Variants in ETV1 observed in about 807,000 individuals in gnomAD.
ETV1 encodes the protein ETS variant transcription factor 1.
A neutral mutation model predicts 62.3 loss-of-function variants in ETV1; 27 were observed. The ratio of observed to expected loss-of-function variants is 0.43; its 90% CI spans 0.32 to 0.60. The LOEUF (loss-of-function observed/expected upper bound fraction) is 0.60, where lower values mean the gene tolerates loss of function less well. ETV1 is among the 20% of genes least tolerant of loss of function. ETV1 has a pLI of 0.06. For missense variants in ETV1, 605 were observed against 605.8 expected (o/e 1.00, Z 0.01); for synonymous variants, 222 against 199.6 (o/e 1.11, Z -0.94).
chr7:13,933,655 C>T (rs2128453280), intron 8 of ETV1, among the ~76,000 whole-genome samples: 1 of 152,252 alleles, frequency 6.6e-6, no homozygotes, highest in South Asian at 2.1e-4. Flanking sequence ...GCAAATTTGC[C>T]ATTTATAACT....
chr7:13,966,625 C>T (rs562061345), intron 6 of ETV1, among the ~76,000 whole-genome samples: 26 of 151,832 alleles, frequency 1.7e-4, no homozygotes, highest in East Asian at 9.7e-4. Context: ...CCAGACTGGG[C>T]GACAGAGTGA....
rs1782816234 is a variant in ETV1, at chr7:13,988,927, C to G, written c.45+81G>C. The stretch of plus-strand genomic sequence containing the variant: ...TATCTGCAATCCCAACCCCCGTGCC[C>G]CCTCCCTTCTCATTTTCTCCCTCTC... On this transcript the variant is annotated intron_variant, in intron 3 of 13. Transcript: ENST00000430479. 14 of 1,397,868 alleles carry G rather than the reference C, an allele frequency of 1.0e-5. No individual in the cohort carries two copies. In the East Asian group the frequency reaches 2.8e-4, roughly 28 times the overall value. The allele number at this position is 1,397,868 out of a possible 1,614,324, so 86.6% of individuals were successfully genotyped here.
chr7:13,968,217 G>A (rs1230297271), intron 6 of ETV1, among the ~76,000 whole-genome samples: 1 of 151,820 alleles, frequency 6.6e-6, no homozygotes, highest in Non-Finnish European at 1.5e-5. Flanking sequence ...CATTTCAAAA[G>A]TCAATTTCTA....
chr7:13,935,191 C>T (rs937961036), intron 8 of ETV1, among the ~76,000 whole-genome samples: 13 of 152,202 alleles, frequency 8.5e-5, no homozygotes, highest in African/African-American at 3.1e-4. Context: ...TTCGCAGTGT[C>T]CAGAGTCATG....
chr7:13,902,396 C>T (rs1001919908), intron 12 of ETV1, among the ~76,000 whole-genome samples: 6 of 151,556 alleles, frequency 4.0e-5, no homozygotes, highest in African/African-American at 9.7e-5. Flanking sequence ...TAGAGAGATG[C>T]GATGTAACAG....
chr7:13,931,153 A>T (rs749618983), intron 9 of ETV1, among the ~76,000 whole-genome samples: 12 of 152,152 alleles, frequency 7.9e-5, no homozygotes, highest in Non-Finnish European at 1.6e-4. Flanking sequence ...TTCTGTAAAC[A>T]TTTTTATTAA....
At chr7:13,977,605 A>G (rs1186129401) in intron 5 of ETV1, 125 bp from the exon 6 acceptor site, 3 of 652,786 alleles carry the variant, frequency 4.6e-6, no homozygotes, top group Non-Finnish European at 8.1e-6. Flanking sequence ...TTATTTGCCA[A>G]TGAGCTCCTA....
At chr7:13,990,295 TAAAG>T (rs1340768401), upstream of ETV1, 2 of 152,188 alleles carry the variant, frequency 1.3e-5, no homozygotes, top group African/African-American at 4.8e-5. Flanking sequence ...GACAGAAACA[TAAAG>T]AATCTATAAG....
chr7:13,911,223 G>A lies in ETV1; in HGVS notation c.871+16C>T. On this transcript the variant is annotated intron_variant, in intron 10 of 13. Coordinates refer to ENST00000430479, the MANE Select transcript of ETV1 (RefSeq NM_004956.5). The stretch of plus-strand genomic sequence containing the variant: ...TGAACGGTATTTACACGGAATTTCA[G>A]TGGTGGACAACTTAACTTCTGTTCT... 6.3e-7 allele frequency: 1 copy of A among 1,592,556 alleles called. No individual in the cohort carries two copies. Among genetic ancestry groups the A allele is most frequent in the Non-Finnish European group, 8.6e-7 (1 of 1,160,592 alleles).
intron 13 of ETV1, 133 bp downstream of exon 13, chr7:13,900,605 C>T: frequency 1.6e-6 from 1 of 628,226 alleles, no homozygotes. Context: ...AATACCAAAA[C>T]CAAGAGCTAA....
chr7:13,945,375 G>C (rs920920729), intron 6 of ETV1, among the ~76,000 whole-genome samples: 26 of 151,738 alleles, frequency 1.7e-4, no homozygotes, highest in African/African-American at 6.1e-4. Context: ...GTAGTTTTGA[G>C]ATCCCCAACT....
At chr7:13,899,267 A>C (rs563804561) in intron 13 of ETV1, among the ~76,000 whole-genome samples, 1 of 152,184 alleles carries the variant, frequency 6.6e-6, no homozygotes, top group Admixed American at 6.5e-5. Context: ...GAAAGGGAGG[A>C]ATTAGAAATG....
chr7:13,921,759 A>C (rs1184176701), intron 9 of ETV1, among the ~76,000 whole-genome samples: 4 of 152,212 alleles, frequency 2.6e-5, no homozygotes, highest in African/African-American at 9.7e-5. Flanking sequence ...TCAAAACTAA[A>C]ATACTTAACA....
In ETV1 at chr7:13,894,994, GAC is replaced by G; in HGVS notation, c.*870_*871del. 1 of 233,120 alleles carries G rather than the reference GAC, an allele frequency of 4.3e-6. No homozygotes were observed. Among genetic ancestry groups the G allele is most frequent in the East Asian group, 6.1e-5 (1 of 16,422 alleles). The allele number at this position is 233,120 out of a possible 1,614,324, so 14.4% of individuals were successfully genotyped here. A position where few individuals can be genotyped will look rare whatever the true frequency, so the allele number is the denominator to read the frequency against. ...TATGTACTGAAGAAAGTGAAAAGGA[GAC>G]AGATATTTTTTGCTTCATTTTGATT... is the stretch of plus-strand genomic sequence containing the variant. On this transcript the variant is annotated 3_prime_UTR_variant, in exon 14 of 14. Coordinates refer to ENST00000430479, the MANE Select transcript of ETV1 (RefSeq NM_004956.5).
At position 13,928,508 on chromosome 7, in the gene ETV1, G is replaced by A. The variant is rs186759210; in HGVS notation, c.802+2994C>T. ...GCATGCCTGTAATCCCAGCTACTCC[G>A]GAGGCTGAGGGAGGAGAATCGCTTG... is the stretch of plus-strand genomic sequence containing the variant. On this transcript the variant is annotated intron_variant, in intron 9 of 13. Coordinates refer to ENST00000430479, the MANE Select transcript of ETV1 (RefSeq NM_004956.5). 6.7e-3 allele frequency among the ~76,000 whole-genome samples: 1,024 copies of A among 152,276 alleles called. 6 individuals carry two copies. The highest frequency in any genetic ancestry group is 0.021 in the African/African-American group (854 of 41,558).
chr7:13,937,473 C>A lies in ETV1; in HGVS notation c.366-1577G>T, dbSNP rs184702993. On this transcript the variant is annotated intron_variant, in intron 7 of 13. Coordinates refer to ENST00000430479, the MANE Select transcript of ETV1 (RefSeq NM_004956.5). ...CATATGCCATATATCACTGTGGGGACTTTTCATCCCCCAAAAGAAACACAA... is the reference window on the plus strand; with the variant it reads ...CATATGCCATATATCACTGTGGGGAATTTTCATCCCCCAAAAGAAACACAA... 2.3e-4 allele frequency among the ~76,000 whole-genome samples: 35 copies of A among 152,308 alleles called. No homozygotes were observed. The South Asian group carries it at 5.4e-3, about 23-fold the overall frequency.
At chr7:13,919,048 A>G (rs992126836) in intron 9 of ETV1, among the ~76,000 whole-genome samples, 1 of 152,188 alleles carries the variant, frequency 6.6e-6, no homozygotes, top group Non-Finnish European at 1.5e-5. Context: ...CAGTCTTTGA[A>G]GAAGTATCTA....
At chr7:13,923,162 C>G (rs1372327719) in intron 9 of ETV1, among the ~76,000 whole-genome samples, 1 of 152,160 alleles carries the variant, frequency 6.6e-6, no homozygotes, top group African/African-American at 2.4e-5. Flanking sequence ...AAACACTACA[C>G]ATTTATATTT....
intron 13 of ETV1, among the ~76,000 whole-genome samples, chr7:13,897,666 T>A (rs1335321792): frequency 6.6e-6 from 1 of 152,156 alleles, no homozygotes; most frequent in Non-Finnish European, 1.5e-5. Context: ...CTGGCATACA[T>A]TTATTTACTT....
Sources: gnomAD v4.1 joint callset for allele counts (sites outside exome capture counted in the v4.1 genomes callset) on GRCh38, gnomAD v4.1.1 for gene constraint, MANE v1.5 for transcripts, NCBI Gene and HGNC (gene_info 2026-07-23, HGNC 2026-07-21) for gene names.